Variants in RXYLT1 observed in about 807,000 individuals in gnomAD.
RXYLT1 encodes the protein ribitol-5-phosphate xylosyltransferase 1.
RXYLT1 carries 41 observed loss-of-function variants against 43.5 expected under a neutral mutation model. The observed-to-expected ratio is 0.94, with a 90% confidence interval of 0.73 to 1.22. The LOEUF is 1.22. Among genes scored for constraint, RXYLT1 ranks in the 50% most tolerant of loss-of-function variants. RXYLT1 has a pLI of 0.00. For synonymous variants in RXYLT1, 166 were observed against 194.4 expected, an observed-to-expected ratio of 0.85 and a Z score of 1.21; for missense variants, 514 against 532.0, an observed-to-expected ratio of 0.97 and a Z score of 0.33.
At chr12:63,789,534 G>A (rs1220110891) in intron 3 of RXYLT1, among the ~76,000 whole-genome samples, 1 of 152,086 alleles carries the variant, frequency 6.6e-6, no homozygotes, top group East Asian at 1.9e-4. Context: ...GTTGGAAAAT[G>A]GTACCAATAG....
At chr12:63,805,117 T>G in intron 4 of RXYLT1, 117 bp from the exon 5 acceptor site, 1 of 689,548 alleles carries the variant, frequency 1.5e-6, no homozygotes, top group Non-Finnish European at 2.2e-6. Flanking sequence ...AATTTGAGAT[T>G]TAGAAATCAC....
Position 63,781,150 on chromosome 12 carries a change from CA to C in RXYLT1, c.304del (p.Ile102SerfsTer25). 6.3e-7 allele frequency: 1 copy of C among 1,590,084 alleles called. No individual in the cohort carries two copies. The highest frequency in any genetic ancestry group is 1.4e-5 in the African/African-American group (1 of 73,824). ...STKGKTDLSV[Q>X]IWGKAAIGLY... ...GAAAGGAAAAACAGATCTCAGTGTACAAATCTGGGGCAAAGCTGCCATTGGT... is the reference window on the plus strand; with the variant it reads ...GAAAGGAAAAACAGATCTCAGTGTACAATCTGGGGCAAAGCTGCCATTGGT... On this transcript the variant is annotated frameshift_variant, in exon 2 of 6. Transcript: ENST00000261234. LOFTEE classifies it high-confidence loss of function.
intron 5 of RXYLT1, 52 bp from the exon 6 acceptor site, chr12:63,808,623 A>C: frequency 1.3e-6 from 2 of 1,553,564 alleles, no homozygotes; most frequent in Non-Finnish European, 1.7e-6. Flanking sequence ...TTTTGTTCAC[A>C]AACTATATAC....
chr12:63,806,596 G>A (rs956744004), intron 5 of RXYLT1: 7 of 152,196 alleles, frequency 4.6e-5, no homozygotes, highest in African/African-American at 1.7e-4. Context: ...GAATGAATGA[G>A]GACAGTGTAA....
At chr12:63,799,307 T>C (rs113829671) in intron 3 of RXYLT1, among the ~76,000 whole-genome samples, 39 of 144,436 alleles carry the variant, frequency 2.7e-4, no homozygotes, top group South Asian at 9.1e-4. Flanking sequence ...CTTTTCTTTT[T>C]TTTTTTTTTT....
At chr12:63,785,511 G>GT (rs1897781680) in intron 3 of RXYLT1, 1 of 151,900 alleles carries the variant, frequency 6.6e-6, no homozygotes, top group South Asian at 2.1e-4. Flanking sequence ...GTAGATTTTT[G>GT]TTTATTAAAA....
chr12:63,785,672 T>C (rs1897785248), intron 3 of RXYLT1, among the ~76,000 whole-genome samples: 1 of 152,116 alleles, frequency 6.6e-6, no homozygotes, highest in Non-Finnish European at 1.5e-5. Context: ...TTATTTTATT[T>C]AGGAAAACTA....
chr12:63,792,572 C>T lies in RXYLT1; in HGVS notation c.428+7500C>T, dbSNP rs144229117. ...AGTCTTGTCCCAGCTCTGCTGCTGG[C>T]GTGCTATGAGATTTCCCAGCCATCT... On this transcript the variant is annotated intron_variant, in intron 3 of 5. Transcript: ENST00000261234. 1.0e-2 allele frequency among the ~76,000 whole-genome samples: 1,517 copies of T among 152,258 alleles called. 12 individuals carry two copies. Among genetic ancestry groups the T allele is most frequent in the Non-Finnish European group, 0.017 (1,148 of 68,030 alleles).
Position 63,808,902 on chromosome 12 carries a change from C to T in RXYLT1, c.1142C>T (p.Ala381Val), listed in dbSNP as rs1898381587. 1.2e-6 allele frequency: 2 copies of T among 1,614,062 alleles called. No individual in the cohort carries two copies. Among genetic ancestry groups the T allele is most frequent in the South Asian group, 2.2e-5 (2 of 90,990 alleles). The change falls in exon 6 of 6, where the codon GCT (alanine) becomes GTT (valine). Residue 381 changes from alanine (A) to valine (V), a missense_variant. Ala to Val is a moderately conservative substitution (Grantham distance 64, BLOSUM62 0). Coordinates refer to ENST00000261234, the MANE Select transcript of RXYLT1 (RefSeq NM_014254.3). Reference sequence around the variant, plus strand: ...CTGCAGTTACTCAAGTCCATGGGTGCTCCCTTTATCTTTATCAAGAACTGG... The same window carrying T: ...CTGCAGTTACTCAAGTCCATGGGTGTTCCCTTTATCTTTATCAAGAACTGG... ...APLQLLKSMG[A>V]PFIFIKNWKE...
chr12:63,802,192 C>G lies in RXYLT1; in HGVS notation c.530C>G (p.Ala177Gly), dbSNP rs1450918974. 1.9e-6 allele frequency: 3 copies of G among 1,613,980 alleles called. No homozygotes were observed. The highest frequency in any genetic ancestry group is 2.5e-6 in the Non-Finnish European group (3 of 1,179,960). Reference protein sequence around the residue: ...NGREKAKIFYATQWLLYAQNL... With the variant: ...NGREKAKIFYGTQWLLYAQNL... ...AGAGAAAAAGCAAAGATCTTTTATG[C>G]CACCCAGTGGTTACTTTATGCACAA... Residue 177 changes from alanine (A) to glycine (G), a missense_variant, in exon 4 of 6, where the codon GCC (alanine) becomes GGC (glycine). Coordinates refer to ENST00000261234, the MANE Select transcript of RXYLT1 (RefSeq NM_014254.3).
intron 3 of RXYLT1, among the ~76,000 whole-genome samples, chr12:63,788,455 A>G (rs1409324675): frequency 6.6e-6 from 1 of 152,188 alleles, no homozygotes; most frequent in African/African-American, 2.4e-5. Flanking sequence ...ACCTTCATCA[A>G]TGATCTTAGC....
intron 3 of RXYLT1, among the ~76,000 whole-genome samples, chr12:63,790,071 C>T (rs765087938): frequency 6.6e-6 from 1 of 152,156 alleles, no homozygotes; most frequent in Non-Finnish European, 1.5e-5. Flanking sequence ...TGTTGCAGGG[C>T]TCATCAGGCT....
chr12:63,783,684 T>C (rs1897737572), intron 2 of RXYLT1, among the ~76,000 whole-genome samples: 1 of 152,330 alleles, frequency 6.6e-6, no homozygotes, highest in African/African-American at 2.4e-5. Flanking sequence ...CATTACCCAA[T>C]TTCAGAGACA....
chr12:63,800,055 A>G (rs1565905004), intron 3 of RXYLT1, among the ~76,000 whole-genome samples: 2 of 152,196 alleles, frequency 1.3e-5, no homozygotes. Flanking sequence ...GAATAATGTC[A>G]TATAAATCAT....
In RXYLT1 at chr12:63,781,926, C is replaced by T. The variant is rs551307085; in HGVS notation, c.325+752C>T. Among the ~76,000 whole-genome samples, 10 of 152,272 alleles carry T rather than the reference C, an allele frequency of 6.6e-5. No homozygotes were observed. The South Asian group carries it at 2.1e-3, about 32-fold the overall frequency. On this transcript the variant is annotated intron_variant, in intron 2 of 5. Transcript: ENST00000261234. ...CTCTGCTCATGGTATTTCATAAATT[C>T]GTTCATACTTACATACAAGTATATA...
chr12:63,793,993 C>CT (rs1412802714), intron 3 of RXYLT1, among the ~76,000 whole-genome samples: 3 of 152,196 alleles, frequency 2.0e-5, no homozygotes, highest in Non-Finnish European at 4.4e-5. Context: ...TGACTCATCT[C>CT]TTAAAGTAGG....
chr12:63,785,012 C>T lies in RXYLT1; in HGVS notation c.368C>T (p.Pro123Leu), dbSNP rs776765214. The T allele has an allele frequency of 5.0e-6, 8 of 1,613,770 alleles. No homozygotes were observed. Among genetic ancestry groups the T allele is most frequent in the African/African-American group, 1.3e-5 (1 of 74,890 alleles). ...CATATTTTTGAAGGCTTACTTGATC[C>T]CAGCGATGTGACTGCTCAATGGAGA... The part of the protein sequence containing the change: ...WEHIFEGLLD[P>L]SDVTAQWREG... Residue 123 changes from proline to leucine, a missense_variant, in exon 3 of 6, where the codon CCC (proline) becomes CTC (leucine). Transcript: ENST00000261234.
rs977071119 is a variant in RXYLT1 at position 63,795,553 on chromosome 12, C to T, written c.429-6538C>T. On this transcript the variant is annotated intron_variant, in intron 3 of 5. Transcript: ENST00000261234. ...CTAGATCACACCACTGCACTCCAGCCGGTGACAGAGCAAGACCCTGTCTCA... is the reference window on the plus strand; with the variant it reads ...CTAGATCACACCACTGCACTCCAGCTGGTGACAGAGCAAGACCCTGTCTCA... 1.1e-4 allele frequency: 16 copies of T among 147,598 alleles called. No homozygotes were observed. In the East Asian group the frequency reaches 1.6e-3, roughly 15 times the overall value. The allele number at this position is 147,598 out of a possible 1,614,324, so 9.1% of individuals were successfully genotyped here. A position where few individuals can be genotyped will look rare whatever the true frequency, so the allele number is the denominator to read the frequency against.
chr12:63,796,963 CTTTTTTT>C (rs776895611), intron 3 of RXYLT1, among the ~76,000 whole-genome samples: 1 of 132,330 alleles, frequency 7.6e-6, no homozygotes, highest in African/African-American at 2.8e-5. Flanking sequence ...TTTTCTTTTT[CTTTTTTT>C]TTTTTTTTTT....
Sources: gnomAD v4.1 joint callset for allele counts (sites outside exome capture counted in the v4.1 genomes callset) on GRCh38, gnomAD v4.1.1 for gene constraint, MANE v1.5 for transcripts, NCBI Gene and HGNC (gene_info 2026-07-23, HGNC 2026-07-21) for gene names.